TPT1: variants seen among roughly 807,000 people sequenced by gnomAD.
The protein encoded by TPT1 is translationally-controlled tumor protein.
Under a neutral mutation model 22.8 loss-of-function variants are expected in TPT1, and 5 were observed. The ratio of observed to expected loss-of-function variants is 0.22; its 90% CI spans 0.11 to 0.46. The LOEUF is 0.46. Among genes scored for constraint, TPT1 ranks in the 20% least tolerant of loss-of-function variants. The pLI, the probability that TPT1 is intolerant of heterozygous loss-of-function variation, is 0.99. For synonymous variants in TPT1, 89 were observed against 73.6 expected (o/e 1.21, Z -1.07); for missense variants, 130 against 218.7 (o/e 0.59, Z 2.56).
At position 45,340,286 on chromosome 13, in the gene TPT1, G is replaced by A. The variant is rs1879003360; in HGVS notation, c.103-102C>T. The A allele has an allele frequency of 5.7e-6, 8 of 1,409,264 alleles. No individual in the cohort carries two copies. In the South Asian group the frequency reaches 1.0e-4, roughly 18 times the overall value. The allele number at this position is 1,409,264 out of a possible 1,614,324, so 87.3% of individuals were successfully genotyped here. A position where few individuals can be genotyped will look rare whatever the true frequency, so the allele number is the denominator to read the frequency against. On this transcript the variant is annotated intron_variant, in intron 2 of 5. Transcript: ENST00000530705. ...ATAAGAAGTATTCTTAGTTCTTGCTGAAAATAAAAAAAGCACCATTTTGGG... is the reference window on the plus strand; with the variant it reads ...ATAAGAAGTATTCTTAGTTCTTGCTAAAAATAAAAAAAGCACCATTTTGGG...
chr13:45,339,380 G>T, intron 4 of TPT1, 117 bp downstream of exon 4: 1 of 803,352 alleles, frequency 1.2e-6, no homozygotes. Flanking sequence ...CTGCGAGCTG[G>T]GAAAGCCACT....
In TPT1 at chr13:45,341,134, G is replaced by C. The variant is rs1169828349; in HGVS notation, c.-65C>G. 5.6e-6 allele frequency: 9 copies of C among 1,598,426 alleles called. No individual in the cohort carries two copies. The highest frequency in any genetic ancestry group is 4.3e-6 in the Non-Finnish European group (5 of 1,173,062). On this transcript the variant is annotated 5_prime_UTR_variant, in exon 1 of 6. Transcript: ENST00000530705. ...CACGAGCCTGAAACTCGGAGCGAGC[G>C]CGGTGCAGCCGGAGCGGCGCTCGGG...
rs41289551 is a variant in TPT1 at position 45,339,884 on chromosome 13, G to A, written c.293+110C>T. ...TTTCCGTGAACTCATTAATAAAAAA[G>A]CAAGGACTTTCACAAAAGTATACCC... On this transcript the variant is annotated intron_variant, in intron 3 of 5. Transcript: ENST00000530705. 4.0e-6 allele frequency: 5 copies of A among 1,248,762 alleles called. No individual in the cohort carries two copies. The South Asian group carries it at 6.1e-5, about 15-fold the overall frequency. The allele number at this position is 1,248,762 out of a possible 1,614,324, so 77.4% of individuals were successfully genotyped here.
chr13:45,340,028 C>T lies in TPT1; in HGVS notation c.259G>A (p.Ala87Thr). 2.5e-6 allele frequency: 4 copies of T among 1,614,160 alleles called. No individual in the cohort carries two copies. Among genetic ancestry groups the T allele is most frequent in the Non-Finnish European group, 3.4e-6 (4 of 1,180,020 alleles). ...HLQETSFTKE[A>T]YKKYIKDYMK... ...TAATCTTTGATGTACTTCTTGTAGG[C>T]TTCTTTTGTGAAACTTGTTTCCTGC... is the stretch of plus-strand genomic sequence containing the variant. Residue 87 changes from alanine (A) to threonine (T), a missense_variant, in exon 3 of 6, where the codon GCC becomes ACC. Transcript: ENST00000530705.
At position 45,335,810 on chromosome 13, in the gene TPT1, G is replaced by A. The variant is rs966798691; in HGVS notation, c.*1576C>T. 6.6e-6 allele frequency: 1 copy of A among 152,174 alleles called. No homozygotes were observed. The highest frequency in any genetic ancestry group is 1.5e-5 in the Non-Finnish European group (1 of 68,058). The allele number at this position is 152,174 out of a possible 1,614,324, so 9.4% of individuals were successfully genotyped here. On this transcript the variant is annotated 3_prime_UTR_variant, in exon 6 of 6. Transcript: ENST00000530705. Reference sequence around the variant, plus strand: ...AAGTTCCCAATACGTATTTAGGTTTGTTTCCAATCACGGGGTGCTGGGGGT... The same window carrying A: ...AAGTTCCCAATACGTATTTAGGTTTATTTCCAATCACGGGGTGCTGGGGGT...
chr13:45,339,632 G>C (rs564663837), intron 3 of TPT1, 30 bp from the exon 4 acceptor site: 1 of 1,548,762 alleles, frequency 6.5e-7, no homozygotes, highest in South Asian at 1.2e-5. Context: ...ACAGGTTGAA[G>C]TATTGAATTT....
intron 4 of TPT1, 67 bp from the exon 5 acceptor site, chr13:45,338,843 C>A (rs889851412): frequency 2.2e-5 from 30 of 1,343,940 alleles, no homozygotes; most frequent in Non-Finnish European, 3.0e-5. Flanking sequence ...TCAAAACAAA[C>A]TACAGTACAA....
chr13:45,340,872 T>TG, intron 1 of TPT1, 87 bp from the exon 2 acceptor site: 15 of 1,456,146 alleles, frequency 1.0e-5, no homozygotes, highest in African/African-American at 1.4e-5. Flanking sequence ...ACGCGGGATC[T>TG]GCCCCTCCGT....
chr13:45,340,988 C>T, intron 1 of TPT1, 54 bp downstream of exon 1: 1 of 1,585,172 alleles, frequency 6.3e-7, no homozygotes, highest in South Asian at 1.1e-5. Context: ...CCCGCCCCCA[C>T]CCGCACCCCA....
chr13:45,340,288 A>G (rs1879003590), intron 2 of TPT1, 104 bp from the exon 3 acceptor site: 1 of 1,398,728 alleles, frequency 7.1e-7, no homozygotes. Context: ...TTCTTGCTGA[A>G]AATAAAAAAA....
In TPT1 at chr13:45,333,945, T is replaced by A. The variant is rs1278134879; in HGVS notation, c.*3441A>T. The A allele has an allele frequency of 6.6e-6, 1 of 152,186 alleles. No individual in the cohort carries two copies. The highest frequency in any genetic ancestry group is 2.4e-5 in the African/African-American group (1 of 41,434). The allele number at this position is 152,186 out of a possible 1,614,324, so 9.4% of individuals were successfully genotyped here. On this transcript the variant is annotated 3_prime_UTR_variant, in exon 6 of 6. Transcript: ENST00000530705. ...AGGGGCAGTTCCTTCTTTTTTAAAATTTTTAAACTTTTTTCAGATAGTGTC... is the reference window on the plus strand; with the variant it reads ...AGGGGCAGTTCCTTCTTTTTTAAAAATTTTAAACTTTTTTCAGATAGTGTC...
chr13:45,341,100 C>A lies in TPT1; in HGVS notation c.-31G>T, dbSNP rs759006009. The A allele has an allele frequency of 6.8e-6, 11 of 1,611,720 alleles. No individual in the cohort carries two copies. Among genetic ancestry groups the A allele is most frequent in the African/African-American group, 2.7e-5 (2 of 74,866 alleles). On this transcript the variant is annotated 5_prime_UTR_variant, in exon 1 of 6. Coordinates refer to ENST00000530705, the MANE Select transcript of TPT1 (RefSeq NM_003295.4). The stretch of plus-strand genomic sequence containing the variant: ...CGACTGAAGGGAGACGACGACGGCG[C>A]TAGCTTAGCACGAGCCTGAAACTCG...
chr13:45,335,109 T>C lies in TPT1; in HGVS notation c.*2277A>G, dbSNP rs1395901356. 3.9e-5 allele frequency: 6 copies of C among 152,222 alleles called. No homozygotes were observed. The highest frequency in any genetic ancestry group is 5.9e-5 in the Non-Finnish European group (4 of 68,036). The allele number at this position is 152,222 out of a possible 1,614,324, so 9.4% of individuals were successfully genotyped here. On this transcript the variant is annotated 3_prime_UTR_variant, in exon 6 of 6. Coordinates refer to ENST00000530705, the MANE Select transcript of TPT1 (RefSeq NM_003295.4). ...ACTTAGCATCAAAAACAAAATGTTA[T>C]GAGCTTTCTGATGTTCACATCCTTA... is the stretch of plus-strand genomic sequence containing the variant.
intron 1 of TPT1, 99 bp from the exon 2 acceptor site, chr13:45,340,884 G>A (rs1481907776): frequency 4.1e-6 from 6 of 1,462,636 alleles, no homozygotes; most frequent in Non-Finnish European, 5.4e-6. Context: ...CCCCTCCGTA[G>A]CACACCAGAG....
At chr13:45,338,509 T>A (rs1157467190) in intron 5 of TPT1, 151 bp downstream of exon 5, 4 of 1,406,792 alleles carry the variant, frequency 2.8e-6, no homozygotes, top group Non-Finnish European at 3.7e-6. Flanking sequence ...TTTTTACATA[T>A]GAAACACAAT....
intron 5 of TPT1, 26 bp downstream of exon 5, chr13:45,338,634 A>T (rs759652287): frequency 3.7e-6 from 6 of 1,601,360 alleles, no homozygotes; most frequent in Non-Finnish European, 5.1e-6. Context: ...TACATTATTT[A>T]TTTTAACCCA....
chr13:45,339,940 C>T (rs1878970026), intron 3 of TPT1, 54 bp downstream of exon 3: 27 of 1,585,950 alleles, frequency 1.7e-5, no homozygotes, highest in African/African-American at 2.7e-5. Context: ...GTTAGCCAAT[C>T]TTTAAATCCT....
chr13:45,337,127 AG>A lies in TPT1; in HGVS notation c.*258del. The A allele has an allele frequency of 1.9e-6, 1 of 540,096 alleles. No homozygotes were observed. The highest frequency in any genetic ancestry group is 2.1e-5 in the South Asian group (1 of 46,736). 33.5% of individuals were successfully genotyped at this position (540,096 alleles called of 1,614,324 possible). A position where few individuals can be genotyped will look rare whatever the true frequency, so the allele number is the denominator to read the frequency against. Reference sequence around the variant, plus strand: ...GCTCTAGCTTCTCCAGGAACACTACAGGATCAATTTAGTTTAAATATGCATT... The same window carrying A: ...GCTCTAGCTTCTCCAGGAACACTACAGATCAATTTAGTTTAAATATGCATT... On this transcript the variant is annotated 3_prime_UTR_variant, in exon 6 of 6. Transcript: ENST00000530705.
At position 45,335,474 on chromosome 13, in the gene TPT1, C is replaced by A. The variant is rs546533392; in HGVS notation, c.*1912G>T. The A allele has an allele frequency of 2.0e-5, 3 of 152,306 alleles. No individual in the cohort carries two copies. The South Asian group carries it at 6.2e-4, about 32-fold the overall frequency. 9.4% of individuals were successfully genotyped at this position (152,306 alleles called of 1,614,324 possible). On this transcript the variant is annotated 3_prime_UTR_variant, in exon 6 of 6. Transcript: ENST00000530705. ...TTTCAGGCTTCCAAGGCTAGTTCACCAATTAGCTTCCATCTCTCACCTCAA... is the reference window on the plus strand; with the variant it reads ...TTTCAGGCTTCCAAGGCTAGTTCACAAATTAGCTTCCATCTCTCACCTCAA...
Sources: gnomAD v4.1 joint callset for allele counts on GRCh38, gnomAD v4.1.1 for gene constraint, MANE v1.5 for transcripts, NCBI Gene and HGNC (gene_info 2026-07-23, HGNC 2026-07-21) for gene names.